Variants in MGA observed in about 807,000 individuals in gnomAD.
The protein encoded by MGA is MAX dimerization protein MGA.
MGA carries 40 observed loss-of-function variants against 261.1 expected under a neutral mutation model. The observed-to-expected ratio is 0.15, with a 90% confidence interval of 0.12 to 0.20. The LOEUF (loss-of-function observed/expected upper bound fraction) is 0.20. Ranked by LOEUF, MGA falls within the 10% of genes least tolerant of loss-of-function variation. The probability of loss-of-function intolerance (pLI) is 1.00; values close to 1 mark genes in which losing one functional copy is unlikely to be tolerated. For missense variants in MGA, 3,397 were observed against 3,630.5 expected, an observed-to-expected ratio of 0.94 and a Z score of 1.65; for synonymous variants, 1,302 against 1,290.6, an observed-to-expected ratio of 1.01 and a Z score of -0.19.
rs2062696960 is a variant in MGA at position 41,749,290 on chromosome 15, T to G, written c.5683T>G (p.Ser1895Ala). The G allele has an allele frequency of 6.2e-7, 1 of 1,614,010 alleles. No individual in the cohort carries two copies. Residue 1895 changes from serine (S) to alanine (A), a missense_variant, in exon 17 of 24, where the codon TCT becomes GCT. By Grantham distance (99) the Ser-to-Ala change is moderately conservative. Around this residue, in one of 9 missense-constraint regions of MGA, gnomAD observed 1,410 missense variants for 1,386.4 expected, o/e 1.02. Coordinates refer to ENST00000219905, the MANE Select transcript of MGA (RefSeq NM_001164273.2). The stretch of plus-strand genomic sequence containing the variant: ...GCTTTCCTCTGGAGCTAGTTTTGTG[T>G]CTCAGGCTGGTACATTGACCCTGAG...
At chr15:41,759,501 C>CTG (rs1249588836) in intron 19 of MGA, among the ~76,000 whole-genome samples, 1 of 118,566 alleles carries the variant, frequency 8.4e-6, no homozygotes, top group East Asian at 2.7e-4. Flanking sequence ...TGAAGTCTTA[C>CTG]TGTGTTGCCT....
At chr15:41,731,581 T>G (rs1293418863) in intron 11 of MGA, among the ~76,000 whole-genome samples, 1 of 152,202 alleles carries the variant, frequency 6.6e-6, no homozygotes, top group Non-Finnish European at 1.5e-5. Context: ...GGTCTGGCTT[T>G]TAGGGACTTT....
intron 13 of MGA, chr15:41,739,923 C>G: frequency 1.2e-6 from 2 of 1,611,890 alleles, no homozygotes; most frequent in Non-Finnish European, 1.7e-6. Context: ...GTAAGAGTTA[C>G]CCGCAGGCTA....
intron 5 of MGA, among the ~76,000 whole-genome samples, chr15:41,705,048 G>C (rs1387399213): frequency 4.6e-5 from 7 of 152,148 alleles, no homozygotes; most frequent in Non-Finnish European, 1.0e-4. Context: ...AATATAAAAA[G>C]ATAATAGGTT....
intron 18 of MGA, among the ~76,000 whole-genome samples, chr15:41,754,861 T>C (rs1452374596): frequency 6.6e-6 from 1 of 152,206 alleles, no homozygotes; most frequent in African/African-American, 2.4e-5. Context: ...AAATCTTTAA[T>C]CTCTCTGAAC....
Position 41,736,230 on chromosome 15 carries a change from T to G in MGA, c.3966T>G (p.Ser1322=), listed in dbSNP as rs773753387. 5.0e-6 allele frequency: 8 copies of G among 1,611,860 alleles called. No homozygotes were observed. The African/African-American group carries it at 8.0e-5, about 16-fold the overall frequency. ...ATGAAGGAGAATCCTCTTCTACTTC[T>G]TATATGCATCAGAGGTCACCTGGTG... Residue 1322 remains serine (S), a synonymous_variant, in exon 13 of 24, where the codon TCT becomes TCG. Coordinates refer to ENST00000219905, the MANE Select transcript of MGA (RefSeq NM_001164273.2).
intron 13 of MGA, among the ~76,000 whole-genome samples, chr15:41,738,282 C>A (rs1252645439): frequency 6.6e-6 from 1 of 151,844 alleles, no homozygotes; most frequent in African/African-American, 2.4e-5. Flanking sequence ...GCCTGTAATC[C>A]CAGCTAGGAG....
chr15:41,697,123 T>C (rs962654632), intron 3 of MGA, 100 bp downstream of exon 3: 6 of 1,071,828 alleles, frequency 5.6e-6, no homozygotes, highest in South Asian at 3.6e-5. Flanking sequence ...TTTTGTGATA[T>C]CTATTTGTGA....
chr15:41,662,867 A>G (rs2057499829), intron 1 of MGA, among the ~76,000 whole-genome samples: 1 of 152,232 alleles, frequency 6.6e-6, no homozygotes, highest in South Asian at 2.1e-4. Context: ...TATTTATTGT[A>G]TGAAAGGTTG....
intron 7 of MGA, among the ~76,000 whole-genome samples, chr15:41,709,736 T>G (rs1378146706): frequency 6.6e-6 from 1 of 151,546 alleles, no homozygotes; most frequent in East Asian, 1.9e-4. Context: ...GTGCTCAGTC[T>G]CACTCTCATA....
rs1437266590 is a variant in MGA, at chr15:41,766,747, G to C, written c.8665G>C (p.Asp2889His). The C allele has an allele frequency of 2.4e-5, 39 of 1,613,958 alleles. No homozygotes were observed. The highest frequency in any genetic ancestry group is 3.3e-5 in the Non-Finnish European group (39 of 1,179,894). The change falls in exon 24 of 24, where the codon GAT (aspartate) becomes CAT (histidine). Residue 2889 changes from aspartate (D) to histidine (H), a missense_variant. Asp to His is a moderately conservative substitution (Grantham distance 81). Coordinates refer to ENST00000219905, the MANE Select transcript of MGA (RefSeq NM_001164273.2). ...GGGAACTGGTTTGAAAGAGTTGCCT[G>C]ATGTTCAAGGGGAGAGTGACTCTAT... is the stretch of plus-strand genomic sequence containing the variant.
At chr15:41,671,184 G>C (rs994965972) in intron 2 of MGA, among the ~76,000 whole-genome samples, 3 of 152,202 alleles carry the variant, frequency 2.0e-5, no homozygotes, top group Non-Finnish European at 4.4e-5. Context: ...GGCTGCAGCT[G>C]TGTATTCAAC....
chr15:41,640,678 C>T (rs2056804214), intron 1 of MGA, among the ~76,000 whole-genome samples: 1 of 152,144 alleles, frequency 6.6e-6, no homozygotes, highest in Non-Finnish European at 1.5e-5. Flanking sequence ...GCCACCACAT[C>T]CAGCTAATTT....
At chr15:41,629,989 C>G (rs1432843910) in intron 1 of MGA, among the ~76,000 whole-genome samples, 6 of 152,168 alleles carry the variant, frequency 3.9e-5, no homozygotes, top group African/African-American at 1.4e-4. Context: ...GTTTTTGTCA[C>G]TTTCCTGCCT....
At chr15:41,745,529 T>C (rs770578692) in intron 15 of MGA, among the ~76,000 whole-genome samples, 1 of 151,586 alleles carries the variant, frequency 6.6e-6, no homozygotes, top group African/African-American at 2.4e-5. Context: ...TAAAATATCT[T>C]CTATAGTACC....
chr15:41,736,912 G>A (rs1373984421), intron 13 of MGA, among the ~76,000 whole-genome samples: 5 of 152,086 alleles, frequency 3.3e-5, no homozygotes, highest in Non-Finnish European at 7.4e-5. Flanking sequence ...GTAGAGCCTT[G>A]TATTAGTTTT....
At position 41,748,917 on chromosome 15, in the gene MGA, T is replaced by C; in HGVS notation, c.5493T>C (p.Phe1831=). ...AGCCCAACTTACAGCCTGTCATGTT[T>C]CGGAACCCAGGTATAAAGTTCTTTT... Residue 1831 remains phenylalanine (F), a synonymous_variant, in exon 16 of 24, where the codon TTT becomes TTC. Coordinates refer to ENST00000219905, the MANE Select transcript of MGA (RefSeq NM_001164273.2). The C allele has an allele frequency of 6.2e-7, 1 of 1,613,644 alleles. No individual in the cohort carries two copies. The highest frequency in any genetic ancestry group is 8.5e-7 in the Non-Finnish European group (1 of 1,179,722).
chr15:41,754,974 A>G (rs1311957767), intron 18 of MGA, among the ~76,000 whole-genome samples: 1 of 152,216 alleles, frequency 6.6e-6, no homozygotes, highest in African/African-American at 2.4e-5. Flanking sequence ...TGGACTACTC[A>G]ACAAAGGTTA....
At position 41,762,354 on chromosome 15, in the gene MGA, A is replaced by G. The variant is rs973198656; in HGVS notation, c.7736A>G (p.Gln2579Arg). The change falls in exon 22 of 24, where the codon CAG becomes CGG. Residue 2579 changes from glutamine (Q) to arginine (R), a missense_variant. Transcript: ENST00000219905. ...TTGATTCTTTCCAGAAAAAAAGACCAGGCCACAGGTAGGAGGGACATTCTT... is the reference window on the plus strand; with the variant it reads ...TTGATTCTTTCCAGAAAAAAAGACCGGGCCACAGGTAGGAGGGACATTCTT... The G allele has an allele frequency of 2.5e-6, 4 of 1,611,544 alleles. No individual in the cohort carries two copies. The highest frequency in any genetic ancestry group is 1.7e-5 in the Admixed American group (1 of 59,876).
Sources: allele counts gnomAD v4.1 joint callset (sites outside exome capture counted in the v4.1 genomes callset), GRCh38; gene constraint gnomAD v4.1.1; regional missense constraint gnomAD v4.1.1; transcripts MANE v1.5; gene names NCBI Gene and HGNC (gene_info 2026-07-23, HGNC 2026-07-21).